Variants in KALRN observed in about 807,000 individuals in gnomAD.
KALRN encodes kalirin.
A neutral mutation model predicts 353.7 loss-of-function variants in KALRN; 70 were observed. That is an observed-to-expected ratio of 0.20 (90% confidence interval 0.16 to 0.24). KALRN has a LOEUF of 0.24. Among genes scored for constraint, KALRN ranks in the 10% least tolerant of loss-of-function variants. The pLI is 1.00. For missense variants in KALRN, 2,791 were observed against 3,756.7 expected (o/e 0.74, Z 6.72); for synonymous variants, 1,391 against 1,434.8 (o/e 0.97, Z 0.69).
chr3:124,566,523 C>A (rs1448578856), intron 34 of KALRN, among the ~76,000 whole-genome samples: 2 of 150,628 alleles, frequency 1.3e-5, no homozygotes, highest in Admixed American at 1.3e-4. Flanking sequence ...AAAAAAAGGA[C>A]CTAAGTCTGC....
intron 1 of KALRN, among the ~76,000 whole-genome samples, chr3:124,146,595 G>A (rs1007659192): frequency 6.6e-6 from 1 of 152,010 alleles, no homozygotes; most frequent in African/African-American, 2.4e-5. Flanking sequence ...AAGGGAGTAA[G>A]GGCCAGGCTC....
rs537081589 is a variant in KALRN at position 124,230,794 on chromosome 3, A to T, written c.148+2730A>T. Among the ~76,000 whole-genome samples the T allele has an allele frequency of 1.5e-4, 23 of 151,346 alleles. No individual in the cohort carries two copies. The South Asian group carries it at 4.9e-3, about 32-fold the overall frequency. On this transcript the variant is annotated intron_variant, in intron 2 of 59. Transcript: ENST00000682506. ...GGACACTGAATAAACTGGGAAGATA[A>T]TGACTGGCTGCATTAAAAAAGCAAA...
intron 1 of KALRN, among the ~76,000 whole-genome samples, chr3:124,194,693 T>A (rs2075260679): frequency 6.6e-6 from 1 of 152,144 alleles, no homozygotes; most frequent in Non-Finnish European, 1.5e-5. Context: ...TGAGTTAGTA[T>A]TTGAAGGTGT....
intron 1 of KALRN, among the ~76,000 whole-genome samples, chr3:124,053,748 G>A (rs138722587): frequency 2.0e-3 from 304 of 152,344 alleles, no homozygotes; most frequent in African/African-American, 7.0e-3. Flanking sequence ...TGTTGCTCAT[G>A]CTTTGGATAT....
At chr3:124,358,206 A>C (rs2149661280) in intron 10 of KALRN, among the ~76,000 whole-genome samples, 1 of 152,330 alleles carries the variant, frequency 6.6e-6, no homozygotes. Flanking sequence ...AAAAAAATTC[A>C]GATGAAGCTA....
intron 1 of KALRN, among the ~76,000 whole-genome samples, chr3:124,066,335 T>C (rs1414406900): frequency 2.0e-5 from 3 of 152,082 alleles, no homozygotes; most frequent in Non-Finnish European, 4.4e-5. Flanking sequence ...ATATGTTGAG[T>C]TGCATAGTAT....
rs550222213 is a variant in KALRN at position 124,189,908 on chromosome 3, C to G, written c.74-38082C>G. 5.6e-5 allele frequency among the ~76,000 whole-genome samples: 8 copies of G among 142,682 alleles called. No individual in the cohort carries two copies. In the East Asian group the frequency reaches 1.6e-3, roughly 29 times the overall value. 93.6% of individuals were successfully genotyped at this position (142,682 alleles called of 152,430 possible). ...GAGCTAAGATTGCGCCACTGCACTC[C>G]AGCCTGGCAACAGAGCAAGACTCTG... On this transcript the variant is annotated intron_variant, in intron 1 of 59. Transcript: ENST00000682506.
intron 1 of KALRN, among the ~76,000 whole-genome samples, chr3:124,170,706 C>A (rs1032737372): frequency 6.6e-6 from 1 of 151,974 alleles, no homozygotes; most frequent in Non-Finnish European, 1.5e-5. Flanking sequence ...TTTATGCAAT[C>A]AAGACTTCTT....
At chr3:124,613,724 A>G (rs1324861694) in intron 34 of KALRN, among the ~76,000 whole-genome samples, 1 of 152,194 alleles carries the variant, frequency 6.6e-6, no homozygotes, top group Non-Finnish European at 1.5e-5. Context: ...TCACTGATCT[A>G]TTCTCTCATC....
chr3:124,161,715 C>T (rs1235792687), intron 1 of KALRN, among the ~76,000 whole-genome samples: 2 of 152,224 alleles, frequency 1.3e-5, no homozygotes, highest in Non-Finnish European at 2.9e-5. Context: ...CATTCATTCT[C>T]CAGGCCTGTG....
At chr3:124,281,276 A>G (rs2075317589) in intron 5 of KALRN, among the ~76,000 whole-genome samples, 1 of 151,994 alleles carries the variant, frequency 6.6e-6, no homozygotes, top group Non-Finnish European at 1.5e-5. Context: ...GAGAAGATAT[A>G]CTCTGTAACA....
intron 1 of KALRN, among the ~76,000 whole-genome samples, chr3:124,199,712 T>C (rs1190736516): frequency 6.6e-6 from 1 of 151,990 alleles, no homozygotes; most frequent in East Asian, 1.9e-4. Flanking sequence ...ATTGGAGGGG[T>C]ATGTGGCTAG....
intron 6 of KALRN, among the ~76,000 whole-genome samples, chr3:124,313,154 G>A (rs142527677): frequency 5.3e-5 from 8 of 152,238 alleles, no homozygotes; most frequent in Admixed American, 3.9e-4. Context: ...GTCCCCAGGC[G>A]ATACACACTA....
In KALRN at chr3:124,462,545, A is replaced by T. The variant is rs1325583270; in HGVS notation, c.3943A>T (p.Ser1315Cys). The T allele has an allele frequency of 1.2e-6, 2 of 1,609,332 alleles. No individual in the cohort carries two copies. The highest frequency in any genetic ancestry group is 1.7e-6 in the Non-Finnish European group (2 of 1,175,710). ...ACAGACCTACCTGTGGGAAATGACC[A>T]GTGGTGTGGAGGAGATCCCCCCTGG... ...CLETYLWEMT[S>C]GVEEIPPGIL... The change falls in exon 25 of 60, where the codon AGT becomes TGT. Residue 1315 changes from serine to cysteine, a missense_variant. Coordinates refer to ENST00000682506, the MANE Select transcript of KALRN (RefSeq NM_001388419.1).
At chr3:124,042,486 G>A (rs577050021) in intron 1 of KALRN, among the ~76,000 whole-genome samples, 15 of 152,302 alleles carry the variant, frequency 9.8e-5, no homozygotes, top group African/African-American at 3.1e-4. Context: ...TAGGCTAGGA[G>A]AGTCTGAACT....
intron 22 of KALRN, among the ~76,000 whole-genome samples, chr3:124,455,987 G>A (rs924375923): frequency 2.6e-5 from 4 of 152,170 alleles, no homozygotes; most frequent in African/African-American, 9.7e-5. Context: ...GGAGAGTGAA[G>A]TGGCCAAACT....
chr3:124,187,493 C>G (rs2074375476), intron 1 of KALRN, among the ~76,000 whole-genome samples: 1 of 152,160 alleles, frequency 6.6e-6, no homozygotes, highest in Admixed American at 6.5e-5. Context: ...TCTCTATTGG[C>G]AGAAGTCCCT....
intron 33 of KALRN, among the ~76,000 whole-genome samples, chr3:124,547,085 G>T (rs1287869823): frequency 1.3e-5 from 2 of 152,174 alleles, no homozygotes; most frequent in African/African-American, 4.8e-5. Context: ...AAACCCTCCA[G>T]AAGGGGTGGT....
At chr3:124,402,408 T>C (rs1281704211) in intron 13 of KALRN, among the ~76,000 whole-genome samples, 1 of 152,230 alleles carries the variant, frequency 6.6e-6, no homozygotes, top group Non-Finnish European at 1.5e-5. Context: ...TTCCTTTAGG[T>C]TCAGCCTCCT....
Sources: gnomAD v4.1 joint callset for allele counts (sites outside exome capture counted in the v4.1 genomes callset) on GRCh38, gnomAD v4.1.1 for gene constraint, MANE v1.5 for transcripts, NCBI Gene and HGNC (gene_info 2026-07-23, HGNC 2026-07-21) for gene names.